DCC: variants seen among roughly 807,000 people sequenced by gnomAD.
DCC encodes DCC netrin 1 receptor.
DCC carries 58 observed loss-of-function variants against 172.5 expected under a neutral mutation model. The observed-to-expected ratio is 0.34, with a 90% CI of 0.27 to 0.42. The LOEUF (loss-of-function observed/expected upper bound fraction) is 0.42, where lower values mean the gene tolerates loss of function less well. Ranked by LOEUF, DCC falls within the 10% of genes least tolerant of loss-of-function variation. The pLI is 1.00. For missense variants in DCC, 1,740 were observed against 1,791.0 expected, an observed-to-expected ratio of 0.97 and a Z score of 0.51; for synonymous variants, 709 against 644.5, an observed-to-expected ratio of 1.10 and a Z score of -1.52.
chr18:53,195,576 CT>C (rs963197204), intron 9 of DCC, among the ~76,000 whole-genome samples: 2 of 152,176 alleles, frequency 1.3e-5, no homozygotes, highest in African/African-American at 4.8e-5. Context: ...AACCTCATAT[CT>C]GAAGCCTTCC....
At chr18:52,724,885 C>T (rs1185311253) in intron 1 of DCC, among the ~76,000 whole-genome samples, 1 of 152,304 alleles carries the variant, frequency 6.6e-6, no homozygotes, top group East Asian at 1.9e-4. Context: ...GAAGCCTAAC[C>T]TTGGAAATGG....
chr18:52,789,088 A>G (rs2037713164), intron 2 of DCC, among the ~76,000 whole-genome samples: 2 of 152,096 alleles, frequency 1.3e-5, no homozygotes, highest in Non-Finnish European at 2.9e-5. Flanking sequence ...CCCTTAAAGT[A>G]TGTTTTCTCT....
chr18:53,164,498 A>C (rs758095739), intron 8 of DCC, among the ~76,000 whole-genome samples: 5 of 152,214 alleles, frequency 3.3e-5, no homozygotes, highest in African/African-American at 1.2e-4. Context: ...CAGTATAGCC[A>C]AAAGGGTAAG....
intron 9 of DCC, among the ~76,000 whole-genome samples, chr18:53,184,414 G>C (rs192853659): frequency 6.6e-6 from 1 of 152,096 alleles, no homozygotes; most frequent in East Asian, 1.9e-4. Flanking sequence ...ACATAATAGT[G>C]TCTTACACAC....
At chr18:53,490,156 A>G (rs2045944975) in intron 26 of DCC, among the ~76,000 whole-genome samples, 1 of 152,244 alleles carries the variant, frequency 6.6e-6, no homozygotes, top group Middle Eastern at 3.4e-3. Flanking sequence ...TCAACTAATA[A>G]ATGAAACTTG....
rs1239127203 is a variant in DCC at position 52,596,400 on chromosome 18, T to A, written c.92-155654T>A. 2.0e-5 allele frequency among the ~76,000 whole-genome samples: 3 copies of A among 152,274 alleles called. No homozygotes were observed. The East Asian group carries it at 5.8e-4, about 29-fold the overall frequency. ...TCAGAGCACAGTGAATCTACAGAAA[T>A]CTTAGAGATCATTTAACCTGATAAT... is the stretch of plus-strand genomic sequence containing the variant. On this transcript the variant is annotated intron_variant, in intron 1 of 28. Coordinates refer to ENST00000442544, the MANE Select transcript of DCC (RefSeq NM_005215.4).
chr18:53,424,535 G>A (rs1341259819), intron 21 of DCC, among the ~76,000 whole-genome samples: 1 of 152,086 alleles, frequency 6.6e-6, no homozygotes, highest in East Asian at 1.9e-4. Context: ...GTATGTTACG[G>A]GATTTCAGAT....
intron 12 of DCC, among the ~76,000 whole-genome samples, chr18:53,262,612 G>T (rs1041200201): frequency 2.6e-5 from 4 of 152,186 alleles, no homozygotes; most frequent in African/African-American, 4.8e-5. Context: ...TTTCATATGT[G>T]TTCTCCTTCT....
intron 2 of DCC, among the ~76,000 whole-genome samples, chr18:52,818,519 A>G (rs1907199893): frequency 6.6e-6 from 1 of 152,246 alleles, no homozygotes; most frequent in Non-Finnish European, 1.5e-5. Context: ...TGGGTGAATC[A>G]TGAATCCTAT....
Position 53,273,151 on chromosome 18 carries a change from C to T in DCC, c.1912-32427C>T, listed in dbSNP as rs114397740. ...GGACAGAGTTGTTGTGAATTAAATG[C>T]AGTTGTATTGCTATTATATTTAAGA... is the stretch of plus-strand genomic sequence containing the variant. On this transcript the variant is annotated intron_variant, in intron 12 of 28. Coordinates refer to ENST00000442544, the MANE Select transcript of DCC (RefSeq NM_005215.4). Among the ~76,000 whole-genome samples the T allele has an allele frequency of 2.9e-3, 445 of 152,164 alleles. 4 individuals carry two copies. The highest frequency in any genetic ancestry group is 0.01 in the African/African-American group (423 of 41,530).
At chr18:52,426,082 T>A (rs1414843693) in intron 1 of DCC, among the ~76,000 whole-genome samples, 1 of 152,084 alleles carries the variant, frequency 6.6e-6, no homozygotes, top group Admixed American at 6.6e-5. Flanking sequence ...TTAGAGATCA[T>A]CTAGGATTAG....
At chr18:52,362,834 G>A (rs753335545) in intron 1 of DCC, among the ~76,000 whole-genome samples, 1 of 151,986 alleles carries the variant, frequency 6.6e-6, no homozygotes, top group Non-Finnish European at 1.5e-5. Context: ...TATTTACTTG[G>A]GCTGCATTAT....
At chr18:52,979,625 A>G (rs2041174337) in intron 5 of DCC, among the ~76,000 whole-genome samples, 2 of 152,302 alleles carry the variant, frequency 1.3e-5, no homozygotes, top group South Asian at 4.1e-4. Flanking sequence ...CAGTCAAAGA[A>G]TAGCAAATAA....
chr18:53,035,905 G>C (rs1313743186), intron 5 of DCC, among the ~76,000 whole-genome samples: 1 of 151,930 alleles, frequency 6.6e-6, no homozygotes, highest in African/African-American at 2.4e-5. Flanking sequence ...ATTATCCTTA[G>C]AGCATTTAGT....
intron 5 of DCC, among the ~76,000 whole-genome samples, chr18:52,978,897 C>CT (rs1193220769): frequency 6.6e-6 from 1 of 152,096 alleles, no homozygotes; most frequent in Non-Finnish European, 1.5e-5. Context: ...ACATTTCATT[C>CT]TTTTTTATGG....
intron 1 of DCC, among the ~76,000 whole-genome samples, chr18:52,501,328 A>T (rs2031009669): frequency 6.6e-6 from 1 of 152,150 alleles, no homozygotes; most frequent in South Asian, 2.1e-4. Flanking sequence ...TGCCAGAATC[A>T]ATTTACTGCA....
chr18:53,238,953 C>G (rs146997137), intron 12 of DCC, among the ~76,000 whole-genome samples: 2 of 148,706 alleles, frequency 1.3e-5, no homozygotes, highest in Non-Finnish European at 3.0e-5. Context: ...GACAAAAAAC[C>G]AAACATCGCA....
intron 1 of DCC, among the ~76,000 whole-genome samples, chr18:52,557,044 A>G (rs2032933320): frequency 1.3e-5 from 2 of 152,336 alleles, no homozygotes; most frequent in Admixed American, 1.3e-4. Context: ...TTTAAGTTAC[A>G]ATCAGCTCAA....
Position 52,960,731 on chromosome 18 carries a change from T to G in DCC, c.985+35361T>G, listed in dbSNP as rs187569482. Reference sequence around the variant, plus strand: ...TTTGTAATTTGGCTTCCTCTCCCTCTTTAATCCCTCCAACACGGTTACTCT... The same window carrying G: ...TTTGTAATTTGGCTTCCTCTCCCTCGTTAATCCCTCCAACACGGTTACTCT... On this transcript the variant is annotated intron_variant, in intron 5 of 28. Transcript: ENST00000442544. Among the ~76,000 whole-genome samples the G allele has an allele frequency of 4.5e-4, 69 of 152,270 alleles. No individual in the cohort carries two copies. In the East Asian group the frequency reaches 0.013, roughly 28 times the overall value.
Sources: allele counts gnomAD v4.1 joint callset (sites outside exome capture counted in the v4.1 genomes callset), GRCh38; gene constraint gnomAD v4.1.1; transcripts MANE v1.5; gene names NCBI Gene and HGNC (gene_info 2026-07-23, HGNC 2026-07-21).